The following DLG2 variants were observed in gnomAD, a reference collection of about 807,000 sequenced individuals.
The protein encoded by DLG2 is discs large MAGUK scaffold protein 2.
In DLG2, 45 loss-of-function variants were observed where a neutral mutation model predicts 132.5. That is an observed-to-expected ratio of 0.34 (90% CI 0.27 to 0.44). DLG2 has a LOEUF of 0.44. Ranked by LOEUF, DLG2 falls within the 20% of genes least tolerant of loss-of-function variation. The pLI is 1.00. For missense variants in DLG2, 1,045 were observed against 1,196.9 expected (o/e 0.87, Z 1.87); for synonymous variants, 424 against 419.6 (o/e 1.01, Z -0.13).
intron 21 of DLG2, among the ~76,000 whole-genome samples, chr11:83,510,317 C>T (rs2094941848): frequency 6.6e-6 from 1 of 152,186 alleles, no homozygotes; most frequent in Admixed American, 6.5e-5. Flanking sequence ...TCTTTACCCC[C>T]CACCATCTGA....
chr11:83,819,534 T>A (rs1344948602), intron 17 of DLG2, among the ~76,000 whole-genome samples: 2 of 144,482 alleles, frequency 1.4e-5, no homozygotes, highest in Non-Finnish European at 3.0e-5. Context: ...AAAAATATAG[T>A]CTTCATTCTT....
At chr11:83,596,621 T>C (rs925385380) in intron 19 of DLG2, among the ~76,000 whole-genome samples, 3 of 152,206 alleles carry the variant, frequency 2.0e-5, no homozygotes, top group Non-Finnish European at 4.4e-5. Context: ...CTCAAAATCC[T>C]TACTATTTAG....
chr11:84,142,204 A>G (rs747097412), intron 9 of DLG2, among the ~76,000 whole-genome samples: 2 of 151,658 alleles, frequency 1.3e-5, no homozygotes, highest in Non-Finnish European at 2.9e-5. Context: ...TGGGAGGCTG[A>G]GGCAGGAGAA....
At chr11:84,085,387 A>G (rs1384979660) in intron 10 of DLG2, among the ~76,000 whole-genome samples, 2 of 152,208 alleles carry the variant, frequency 1.3e-5, no homozygotes, top group African/African-American at 4.8e-5. Flanking sequence ...AAATAAAAAC[A>G]AATGCCTTAT....
At chr11:83,848,262 T>C (rs1273596108) in intron 16 of DLG2, among the ~76,000 whole-genome samples, 1 of 152,128 alleles carries the variant, frequency 6.6e-6, no homozygotes, top group Non-Finnish European at 1.5e-5. Context: ...CCCTTGGGCC[T>C]CTAGCATCTA....
intron 4 of DLG2, among the ~76,000 whole-genome samples, chr11:85,213,253 T>C (rs916715457): frequency 1.3e-5 from 2 of 152,154 alleles, no homozygotes; most frequent in Non-Finnish European, 2.9e-5. Flanking sequence ...GCCGCTGACA[T>C]AGCCCTCAGG....
chr11:83,580,358 T>C (rs2096949707), intron 19 of DLG2, among the ~76,000 whole-genome samples: 1 of 106,578 alleles, frequency 9.4e-6, no homozygotes, highest in African/African-American at 5.1e-5. Flanking sequence ...CCACAACTTT[T>C]AGGAAAAAAA....
At chr11:84,656,429 C>A (rs1263093990) in intron 6 of DLG2, among the ~76,000 whole-genome samples, 1 of 152,026 alleles carries the variant, frequency 6.6e-6, no homozygotes, top group Non-Finnish European at 1.5e-5. Flanking sequence ...ATATAATACA[C>A]TGAAATTTTA....
In DLG2 at chr11:85,260,871, C is replaced by A. The variant is rs112428765; in HGVS notation, c.186+24349G>T. Among the ~76,000 whole-genome samples, 1,239 of 152,306 alleles carry A rather than the reference C, an allele frequency of 8.1e-3. 18 individuals are homozygous for A. The highest frequency in any genetic ancestry group is 0.028 in the African/African-American group (1,182 of 41,572). ...AGAACCAGAGATGGGATGTAGCAATCTCTTCATGGTAGACACAGTCCCACC... is the reference window on the plus strand; with the variant it reads ...AGAACCAGAGATGGGATGTAGCAATATCTTCATGGTAGACACAGTCCCACC... On this transcript the variant is annotated intron_variant, in intron 4 of 27. Transcript: ENST00000376104.
At chr11:84,228,748 C>T (rs2097046733) in intron 8 of DLG2, among the ~76,000 whole-genome samples, 1 of 152,012 alleles carries the variant, frequency 6.6e-6, no homozygotes, top group Admixed American at 6.6e-5. Flanking sequence ...AAAGGACTAC[C>T]CTACTACTGC....
At chr11:83,712,823 G>T (rs1384311372) in intron 18 of DLG2, among the ~76,000 whole-genome samples, 2 of 152,042 alleles carry the variant, frequency 1.3e-5, no homozygotes, top group Non-Finnish European at 2.9e-5. Flanking sequence ...GGGGACAGGG[G>T]CACGGAGAGC....
rs1333818671 is a variant in DLG2 at position 85,471,270 on chromosome 11, T to C, written c.40+127387A>G. 3.3e-5 allele frequency among the ~76,000 whole-genome samples: 5 copies of C among 152,222 alleles called. 1 individual carries two copies. Among genetic ancestry groups the C allele is most frequent in the Admixed American group, 3.3e-4 (5 of 15,284 alleles). On this transcript the variant is annotated intron_variant, in intron 3 of 27. Coordinates refer to ENST00000376104, the MANE Select transcript of DLG2 (RefSeq NM_001142699.3). ...TTTGATCTCTGCTTCAGAAACTTCA[T>C]GTTTATATTCAAGTTAAGATATATA...
intron 3 of DLG2, among the ~76,000 whole-genome samples, chr11:85,387,887 T>C (rs2086478018): frequency 6.6e-6 from 1 of 152,158 alleles, no homozygotes; most frequent in Non-Finnish European, 1.5e-5. Context: ...GAAACCCACG[T>C]CATGAACTTT....
chr11:84,321,825 TC>T (rs1315951817), intron 7 of DLG2, among the ~76,000 whole-genome samples: 16 of 152,174 alleles, frequency 1.1e-4, no homozygotes, highest in African/African-American at 3.6e-4. Context: ...GTCTTCCCTG[TC>T]CTTTGGAGTT....
intron 6 of DLG2, among the ~76,000 whole-genome samples, chr11:85,036,828 C>A (rs778425829): frequency 5.3e-5 from 8 of 152,092 alleles, no homozygotes; most frequent in Non-Finnish European, 1.2e-4. Context: ...GATCAGCAAT[C>A]TATTAAAAGG....
chr11:84,060,458 G>A (rs929247242), intron 10 of DLG2, among the ~76,000 whole-genome samples: 2 of 151,586 alleles, frequency 1.3e-5, no homozygotes, highest in Non-Finnish European at 2.9e-5. Flanking sequence ...AAAGTTCAAG[G>A]AGAACCTCAG....
intron 3 of DLG2, among the ~76,000 whole-genome samples, chr11:85,583,130 G>GTATATATATATATATATA (rs3068386): frequency 2.2e-4 from 3 of 13,602 alleles, no homozygotes; most frequent in Non-Finnish European, 3.2e-4. Context: ...GTGTGTGTGT[G>GTATATATATATATATATA]TATATATATA....
At chr11:83,922,048 A>G (rs790376) in intron 15 of DLG2, among the ~76,000 whole-genome samples, 46,932 of 151,872 alleles carry the variant, frequency 0.31, 8,030 homozygotes, top group African/African-American at 0.44. Context: ...GAGCTTTTAA[A>G]ACAGGGTGAG....
chr11:84,156,560 T>C (rs2095433398), intron 9 of DLG2, among the ~76,000 whole-genome samples: 3 of 152,236 alleles, frequency 2.0e-5, no homozygotes, highest in Admixed American at 6.5e-5. Context: ...TATGGCCATG[T>C]GATACTATTT....
Sources: allele counts gnomAD v4.1 joint callset (sites outside exome capture counted in the v4.1 genomes callset), GRCh38; gene constraint gnomAD v4.1.1; transcripts MANE v1.5; gene names NCBI Gene and HGNC (gene_info 2026-07-23, HGNC 2026-07-21).